Variants in ARID5B observed in about 807,000 individuals in gnomAD.
ARID5B encodes the protein AT-rich interactive domain-containing protein 5B.
Under a neutral mutation model 97.2 loss-of-function variants are expected in ARID5B, and 13 were observed. That is an observed-to-expected ratio of 0.13 (90% CI 0.09 to 0.21). ARID5B has a LOEUF of 0.21. ARID5B is among the 10% of genes least tolerant of loss of function. ARID5B has a pLI of 1.00. For missense variants in ARID5B, 1,210 were observed against 1,465.3 expected, an observed-to-expected ratio of 0.83 and a Z score of 2.84; for synonymous variants, 556 against 570.3, an observed-to-expected ratio of 0.97 and a Z score of 0.36.
intron 3 of ARID5B, among the ~76,000 whole-genome samples, chr10:61,965,375 G>T (rs1838530188): frequency 6.6e-6 from 1 of 152,090 alleles, no homozygotes; most frequent in Non-Finnish European, 1.5e-5. Flanking sequence ...TTTTAACTCT[G>T]TATTAAAGAG....
At chr10:61,989,763 A>G (rs142920694) in intron 3 of ARID5B, among the ~76,000 whole-genome samples, 207 of 152,330 alleles carry the variant, frequency 1.4e-3, no homozygotes, top group South Asian at 2.5e-3. Context: ...AGAGCATCAT[A>G]ACACAGGCCA....
intron 3 of ARID5B, among the ~76,000 whole-genome samples, chr10:61,951,289 G>C (rs927435498): frequency 6.6e-6 from 1 of 152,194 alleles, no homozygotes; most frequent in Admixed American, 6.5e-5. Flanking sequence ...ATGATTTCAG[G>C]CTTTTCCTAG....
chr10:62,046,528 A>C (rs1229833476), intron 4 of ARID5B: 2 of 152,256 alleles, frequency 1.3e-5, no homozygotes, highest in Non-Finnish European at 2.9e-5. Context: ...AGAAAAAACA[A>C]ACATGGGTTA....
At chr10:61,980,370 C>T (rs1238021059) in intron 3 of ARID5B, among the ~76,000 whole-genome samples, 1 of 152,138 alleles carries the variant, frequency 6.6e-6, no homozygotes, top group African/African-American at 2.4e-5. Context: ...ATTTCTCCTC[C>T]TTATGCTGCC....
intron 2 of ARID5B, among the ~76,000 whole-genome samples, chr10:61,904,006 C>T (rs955300226): frequency 1.3e-4 from 19 of 151,548 alleles, no homozygotes; most frequent in African/African-American, 4.6e-4. Context: ...CTGCAACCTA[C>T]CAACAGGTTG....
chr10:62,028,886 A>G (rs1218312293), intron 4 of ARID5B, among the ~76,000 whole-genome samples: 1 of 151,102 alleles, frequency 6.6e-6, no homozygotes, highest in Non-Finnish European at 1.5e-5. Context: ...ACTTGAACCC[A>G]GGAGATGTTG....
intron 3 of ARID5B, among the ~76,000 whole-genome samples, chr10:61,968,837 A>T (rs1032759863): frequency 1.4e-4 from 22 of 152,220 alleles, no homozygotes; most frequent in Non-Finnish European, 4.4e-5. Flanking sequence ...GACCTAAGAG[A>T]AACTGCTTTC....
At chr10:61,929,807 A>C (rs1402108624) in intron 2 of ARID5B, among the ~76,000 whole-genome samples, 3 of 152,246 alleles carry the variant, frequency 2.0e-5, no homozygotes, top group Non-Finnish European at 2.9e-5. Context: ...AGGAAGCAGA[A>C]AAAGGACGCC....
intron 4 of ARID5B, among the ~76,000 whole-genome samples, chr10:62,014,347 A>G (rs1183511384): frequency 2.6e-5 from 4 of 152,214 alleles, no homozygotes; most frequent in Non-Finnish European, 4.4e-5. Context: ...TGTTACCACC[A>G]GCTCCTCCCA....
intron 7 of ARID5B, among the ~76,000 whole-genome samples, chr10:62,068,061 C>A (rs751823930): frequency 6.6e-6 from 1 of 152,004 alleles, no homozygotes; most frequent in Non-Finnish European, 1.5e-5. Context: ...CGTGTAGGCA[C>A]TTGGAGGTAT....
intron 4 of ARID5B, among the ~76,000 whole-genome samples, chr10:62,016,753 C>T (rs1253047500): frequency 2.0e-5 from 3 of 152,178 alleles, no homozygotes; most frequent in Non-Finnish European, 4.4e-5. Context: ...TGGCATTGTC[C>T]TCTGATACTA....
chr10:61,904,277 G>T (rs36082697), intron 2 of ARID5B, among the ~76,000 whole-genome samples: 17,410 of 151,818 alleles, frequency 0.11, 1,074 homozygotes, highest in African/African-American at 0.15. Flanking sequence ...ACTCTTTTTT[G>T]GGGGGCGGGG....
At chr10:62,014,085 G>A (rs771500683) in intron 4 of ARID5B, among the ~76,000 whole-genome samples, 21 of 152,030 alleles carry the variant, frequency 1.4e-4, no homozygotes, top group African/African-American at 9.7e-5. Flanking sequence ...ATATCTCTTC[G>A]ACATATTGAT....
rs1316010573 is a variant in ARID5B at position 62,091,876 on chromosome 10, G to C, written c.2413G>C (p.Glu805Gln). ...PLADSYVLKQ[E>Q]IQEGKDKLLE... ...TGCTGACTCCTACGTCCTGAAGCAA[G>C]AAATTCAGGAGGGCAAGGATAAACT... Residue 805 changes from glutamate (E) to glutamine (Q), a missense_variant, in exon 10 of 10, where the codon GAA becomes CAA. Glu to Gln is a conservative substitution (Grantham distance 29). This residue lies in a region of ARID5B where 800 missense variants were observed against 839.1 expected (regional missense o/e 0.95). Transcript: ENST00000279873. 8.1e-6 allele frequency: 13 copies of C among 1,613,974 alleles called. No individual in the cohort carries two copies. The highest frequency in any genetic ancestry group is 1.0e-5 in the Non-Finnish European group (12 of 1,180,022).
In ARID5B at chr10:62,059,289, T is replaced by C; in HGVS notation, c.1095T>C (p.Tyr365=). The stretch of plus-strand genomic sequence containing the variant: ...AAGCTGCTCAAAAACTGGGAGGATA[T>C]GAAACAGTAAGTGTTTAAGCAACTT... ...MFQAAQKLGG[Y]ETITARRQWK... is the part of the protein sequence containing the mutation. The change falls in exon 7 of 10, where the codon TAT becomes TAC. Residue 365 remains tyrosine, a synonymous_variant. Transcript: ENST00000279873. 1 of 1,611,998 alleles carries C rather than the reference T, an allele frequency of 6.2e-7. No individual in the cohort carries two copies. The highest frequency in any genetic ancestry group is 1.3e-5 in the African/African-American group (1 of 74,974).
In ARID5B at chr10:62,000,095, G is replaced by C. The variant is rs146727947; in HGVS notation, c.507G>C (p.Glu169Asp). 1.6e-4 allele frequency: 253 copies of C among 1,613,854 alleles called. 1 individual carries two copies. The African/African-American group carries it at 3.1e-3, about 20-fold the overall frequency. Reference sequence around the variant, plus strand: ...AGTGTTTTCTCGTTTGTCTAGGGGAGGACGAGGAAGAAACGAACGTGATAG... The same window carrying C: ...AGTGTTTTCTCGTTTGTCTAGGGGACGACGAGGAAGAAACGAACGTGATAG... ...DVLKEKADLG[E>D]DEEETNVIVL... Residue 169 changes from glutamate to aspartate, a missense_variant, in exon 4 of 10, where the codon GAG becomes GAC. Coordinates refer to ENST00000279873, the MANE Select transcript of ARID5B (RefSeq NM_032199.3). The surrounding 1 kb of genome is among the most constrained non-coding windows in gnomAD (Gnocchi z 4.4).
chr10:62,090,148 C>A (rs189995983), intron 9 of ARID5B, among the ~76,000 whole-genome samples: 21 of 152,304 alleles, frequency 1.4e-4, no homozygotes, highest in African/African-American at 4.8e-4. Context: ...CACTGACTGT[C>A]TGAATTTTGA....
chr10:62,006,087 T>G (rs529805280), intron 4 of ARID5B, among the ~76,000 whole-genome samples: 2 of 152,312 alleles, frequency 1.3e-5, no homozygotes, highest in African/African-American at 4.8e-5. Context: ...CCTTCAGAGA[T>G]CTTACTTGGA....
intron 9 of ARID5B, among the ~76,000 whole-genome samples, chr10:62,088,489 T>C (rs1450139108): frequency 6.6e-6 from 1 of 152,118 alleles, no homozygotes; most frequent in East Asian, 1.9e-4. Flanking sequence ...TGCCCAAGAG[T>C]GGAGCCTTAC....
Sources: gnomAD v4.1 joint callset for allele counts (sites outside exome capture counted in the v4.1 genomes callset) on GRCh38, gnomAD v4.1.1 for gene constraint, gnomAD v4.1.1 regional missense constraint, Gnocchi (gnomAD v3.1) non-coding constraint, MANE v1.5 for transcripts, NCBI Gene and HGNC (gene_info 2026-07-23, HGNC 2026-07-21) for gene names.